CSNK2A2IP: variants seen among roughly 807,000 people sequenced by gnomAD.
CSNK2A2IP encodes casein kinase 2 subunit alpha' interacting protein, also known as casein kinase II subunit alpha'-interacting protein.
chr3:88,416,442 A>C, the CSNK2A2IP span, among the ~76,000 whole-genome samples: 1 of 152,188 alleles, frequency 6.6e-6, no homozygotes, highest in Non-Finnish European at 1.5e-5. Flanking sequence ...GCCTGAGTTT[A>C]GCACATAGCT....
chr3:88,394,858 A>G, the CSNK2A2IP span, among the ~76,000 whole-genome samples: 1 of 152,228 alleles, frequency 6.6e-6, no homozygotes, highest in Non-Finnish European at 1.5e-5. Context: ...AAAAGGAAAC[A>G]ACAGACACTG....
chr3:88,418,677 G>C, the CSNK2A2IP span, among the ~76,000 whole-genome samples: 3 of 152,060 alleles, frequency 2.0e-5, no homozygotes, highest in African/African-American at 4.8e-5. Context: ...ATTTGGTTGA[G>C]AGGGTACATG....
chr3:88,459,815 A>T, the CSNK2A2IP span, among the ~76,000 whole-genome samples: 1 of 152,134 alleles, frequency 6.6e-6, no homozygotes, highest in Admixed American at 6.5e-5. Flanking sequence ...TTTGTGAATT[A>T]TGAAAATGAC....
chr3:88,373,772 A>T, the CSNK2A2IP span, among the ~76,000 whole-genome samples: 1 of 151,418 alleles, frequency 6.6e-6, no homozygotes, highest in African/African-American at 2.4e-5. Context: ...ATAAGAAAAC[A>T]CAGATTACCA....
the CSNK2A2IP span, among the ~76,000 whole-genome samples, chr3:88,400,829 A>ATTGT: frequency 6.6e-6 from 1 of 152,234 alleles, no homozygotes; most frequent in Non-Finnish European, 1.5e-5. Flanking sequence ...TTTGTGGCAC[A>ATTGT]TTGTTATATA....
chr3:88,373,263 T>C, the CSNK2A2IP span, among the ~76,000 whole-genome samples: 1 of 151,294 alleles, frequency 6.6e-6, no homozygotes, highest in Non-Finnish European at 1.5e-5. Flanking sequence ...TTCAAAAGGA[T>C]TGAACTTACC....
At chr3:88,354,379 C>T in the CSNK2A2IP span, among the ~76,000 whole-genome samples, 4 of 152,108 alleles carry the variant, frequency 2.6e-5, no homozygotes, top group Admixed American at 2.6e-4. Context: ...GTTGCCATTA[C>T]TATTACTATT....
At chr3:88,462,737 GA>G in the CSNK2A2IP span, among the ~76,000 whole-genome samples, 1 of 152,066 alleles carries the variant, frequency 6.6e-6, no homozygotes, top group Non-Finnish European at 1.5e-5. Context: ...TGAGACAGAA[GA>G]TATAGAAAAA....
At chr3:88,442,087 T>C in the CSNK2A2IP span, among the ~76,000 whole-genome samples, 1 of 152,218 alleles carries the variant, frequency 6.6e-6, no homozygotes, top group Admixed American at 6.5e-5. Flanking sequence ...ATTTATCTCA[T>C]GTACGTTTGT....
chr3:88,462,745 A>G, the CSNK2A2IP span, among the ~76,000 whole-genome samples: 1 of 152,196 alleles, frequency 6.6e-6, no homozygotes, highest in Admixed American at 6.5e-5. Context: ...AAGATATAGA[A>G]AAAGACTTCT....
chr3:88,453,226 A>G, the CSNK2A2IP span, among the ~76,000 whole-genome samples: 1 of 152,138 alleles, frequency 6.6e-6, no homozygotes, highest in Admixed American at 6.6e-5. Flanking sequence ...TGCACTAAGA[A>G]TTAAATCTAA....
chr3:88,365,815 C>A, the CSNK2A2IP span, among the ~76,000 whole-genome samples: 2,011 of 152,192 alleles, frequency 0.013, 29 homozygotes, highest in African/African-American at 0.029. Flanking sequence ...CCTGTGGAAT[C>A]CCCAAGTTTC....
At chr3:88,360,613 C>T in the CSNK2A2IP span, among the ~76,000 whole-genome samples, 1 of 151,916 alleles carries the variant, frequency 6.6e-6, no homozygotes, top group Non-Finnish European at 1.5e-5. Context: ...TTTTCTTATT[C>T]ATTCAGGTAC....
the CSNK2A2IP span, among the ~76,000 whole-genome samples, chr3:88,374,466 G>A: frequency 6.6e-6 from 1 of 151,566 alleles, no homozygotes; most frequent in East Asian, 1.9e-4. Flanking sequence ...AGATCATCTA[G>A]GCAATAGGTG....
the CSNK2A2IP span, among the ~76,000 whole-genome samples, chr3:88,367,430 G>T: frequency 6.6e-6 from 1 of 151,868 alleles, no homozygotes; most frequent in Admixed American, 6.6e-5. Context: ...TTATGAGAGT[G>T]GCTTAACACA....
chr3:88,344,271 G>GA, the CSNK2A2IP span, among the ~76,000 whole-genome samples: 57,963 of 151,530 alleles, frequency 0.38, 14,093 homozygotes, highest in South Asian at 0.6. Flanking sequence ...TTTCTTTTTA[G>GA]AAAAAATGAA....
At chr3:88,414,210 T>A in the CSNK2A2IP span, among the ~76,000 whole-genome samples, 2 of 146,114 alleles carry the variant, frequency 1.4e-5, no homozygotes, top group East Asian at 3.9e-4. Context: ...TATATATATA[T>A]AAATTTGTAT....
At chr3:88,423,825 T>A in the CSNK2A2IP span, among the ~76,000 whole-genome samples, 3 of 152,292 alleles carry the variant, frequency 2.0e-5, no homozygotes, top group South Asian at 6.2e-4. Context: ...ATATTTCAAG[T>A]GAGTTTTAAC....
the CSNK2A2IP span, among the ~76,000 whole-genome samples, chr3:88,345,982 A>C: frequency 6.8e-6 from 1 of 146,562 alleles, no homozygotes; most frequent in Non-Finnish European, 1.5e-5. Flanking sequence ...ATTAAAAGTG[A>C]TACTCCAATG....
Sources: gnomAD v4.1 joint callset for allele counts (sites outside exome capture counted in the v4.1 genomes callset) on GRCh38, gnomAD v4.1.1 for gene constraint, MANE v1.5 for transcripts, NCBI Gene and HGNC (gene_info 2026-07-23, HGNC 2026-07-21) for gene names.